Variants in DPP6 observed in about 807,000 individuals in gnomAD.
The protein encoded by DPP6 is A-type potassium channel modulatory protein DPP6.
DPP6 carries 69 observed loss-of-function variants against 122.6 expected under a neutral mutation model. That is an observed-to-expected ratio of 0.56 (90% CI 0.46 to 0.69). The LOEUF (loss-of-function observed/expected upper bound fraction) is 0.69, where lower values mean the gene tolerates loss of function less well. Ranked by LOEUF, DPP6 falls within the 30% of genes least tolerant of loss-of-function variation. DPP6 has a pLI of 0.00. For synonymous variants in DPP6, 418 were observed against 433.1 expected, an observed-to-expected ratio of 0.97 and a Z score of 0.43; for missense variants, 928 against 1,116.9, an observed-to-expected ratio of 0.83 and a Z score of 2.41.
chr7:153,938,749 G>A (rs1010725942), intron 1 of DPP6, among the ~76,000 whole-genome samples: 1 of 152,136 alleles, frequency 6.6e-6, no homozygotes, highest in Admixed American at 6.5e-5. Context: ...CTTAAAGAAG[G>A]AAAGCAAAGA....
At chr7:154,796,875 G>A (rs1020993363) in intron 12 of DPP6, among the ~76,000 whole-genome samples, 3 of 152,162 alleles carry the variant, frequency 2.0e-5, no homozygotes, top group African/African-American at 7.2e-5. Flanking sequence ...AATGTATCCT[G>A]TTTCTGCTCT....
Position 154,016,743 on chromosome 7 carries a change from C to G in DPP6, c.51+129009C>G, listed in dbSNP as rs377075102. On this transcript the variant is annotated intron_variant, in intron 1 of 25. Coordinates refer to the DPP6 transcript ENST00000404039. ...GGGAACTTTCATACTGTTTTCCACACTGGCTGTACTAATTTAATTCCCACC... is the reference window on the plus strand; with the variant it reads ...GGGAACTTTCATACTGTTTTCCACAGTGGCTGTACTAATTTAATTCCCACC... 3.9e-5 allele frequency among the ~76,000 whole-genome samples: 6 copies of G among 152,322 alleles called. No individual in the cohort carries two copies. The East Asian group carries it at 9.7e-4, about 25-fold the overall frequency.
At chr7:154,641,913 G>C (rs1836124039) in intron 6 of DPP6, among the ~76,000 whole-genome samples, 1 of 152,136 alleles carries the variant, frequency 6.6e-6, no homozygotes, top group South Asian at 2.1e-4. Context: ...CTCTAACTTT[G>C]CTTACCTACT....
chr7:153,879,920 C>T, the DPP6 span, among the ~76,000 whole-genome samples: 568 of 152,204 alleles, frequency 3.7e-3, 6 homozygotes, highest in African/African-American at 0.013. Flanking sequence ...CAAAAGTCCC[C>T]GCTATGTTGG....
At chr7:153,988,034 A>G (rs1321543798) in intron 1 of DPP6, among the ~76,000 whole-genome samples, 1 of 152,146 alleles carries the variant, frequency 6.6e-6, no homozygotes, top group East Asian at 1.9e-4. Flanking sequence ...GCCAGTCCCT[A>G]AACAACCAGA....
intron 3 of DPP6, among the ~76,000 whole-genome samples, chr7:154,520,257 T>C (rs1179588323): frequency 2.6e-5 from 4 of 152,280 alleles, no homozygotes; most frequent in Non-Finnish European, 5.9e-5. Flanking sequence ...GAATCTACAC[T>C]GTATTTTGCT....
At chr7:154,160,232 GTTCT>G (rs1288994850) in intron 1 of DPP6, among the ~76,000 whole-genome samples, 3 of 152,054 alleles carry the variant, frequency 2.0e-5, no homozygotes, top group African/African-American at 7.3e-5. Flanking sequence ...GTTTCTGGGT[GTTCT>G]TTGAGTTCCT....
At chr7:153,833,920 A>G in the DPP6 span, among the ~76,000 whole-genome samples, 5 of 152,190 alleles carry the variant, frequency 3.3e-5, no homozygotes, top group African/African-American at 1.2e-4. Context: ...AAGGATTTCC[A>G]TGCCTCACAT....
the DPP6 span, among the ~76,000 whole-genome samples, chr7:153,819,319 A>G: frequency 0.51 from 71,673 of 139,216 alleles, 18,583 homozygotes; most frequent in Admixed American, 0.58. Flanking sequence ...GCTCCCACTT[A>G]TAAGTGAGGA....
At chr7:154,172,094 C>A (rs901196279) in intron 1 of DPP6, among the ~76,000 whole-genome samples, 3 of 152,008 alleles carry the variant, frequency 2.0e-5, no homozygotes, top group Admixed American at 2.0e-4. Flanking sequence ...TTCACTGAGC[C>A]TCATTGCAAT....
At chr7:154,063,675 C>CGG (rs1802445618) in intron 1 of DPP6, among the ~76,000 whole-genome samples, 1 of 112,088 alleles carries the variant, frequency 8.9e-6, no homozygotes, top group African/African-American at 3.9e-5. Flanking sequence ...GGACCCCCAT[C>CGG]CCAGCGGGGG....
intron 1 of DPP6, among the ~76,000 whole-genome samples, chr7:154,127,735 G>A (rs142572473): frequency 2.2e-4 from 33 of 152,240 alleles, no homozygotes; most frequent in Non-Finnish European, 4.0e-4. Context: ...TCGTTGCCCA[G>A]CGTTGGCCAG....
chr7:154,282,870 G>A lies in DPP6; in HGVS notation c.244-163344G>A, dbSNP rs1804615173. Among the ~76,000 whole-genome samples, 1 of 152,172 alleles carries A rather than the reference G, an allele frequency of 6.6e-6. No individual in the cohort carries two copies. The highest frequency in any genetic ancestry group is 2.4e-5 in the African/African-American group (1 of 41,446). On this transcript the variant is annotated intron_variant, in intron 1 of 25. Coordinates refer to ENST00000377770, the MANE Select transcript of DPP6 (RefSeq NM_130797.4). The surrounding 1 kb of genome is among the most constrained non-coding windows in gnomAD (Gnocchi z 4.8). ...GAAGGAGAGATTGCCACTCTTTGGA[G>A]CCACATCTGAATGCCAGAAGTTCCC...
At chr7:153,831,093 C>A in the DPP6 span, among the ~76,000 whole-genome samples, 1 of 152,094 alleles carries the variant, frequency 6.6e-6, no homozygotes, top group Admixed American at 6.5e-5. Context: ...TATGAATTTG[C>A]AATTAATTTT....
the DPP6 span, among the ~76,000 whole-genome samples, chr7:153,864,293 C>A: frequency 1.3e-5 from 2 of 152,140 alleles, no homozygotes; most frequent in African/African-American, 4.8e-5. Context: ...TGTGAAATGG[C>A]AACTCATTGT....
intron 1 of DPP6, among the ~76,000 whole-genome samples, chr7:154,122,771 G>C (rs2150609887): frequency 6.6e-6 from 1 of 152,122 alleles, no homozygotes; most frequent in East Asian, 1.9e-4. Flanking sequence ...ACTTCACATG[G>C]AGCCTCGAGA....
chr7:154,110,030 GC>G (rs1281979500), intron 1 of DPP6, among the ~76,000 whole-genome samples: 2 of 144,122 alleles, frequency 1.4e-5, no homozygotes, highest in African/African-American at 2.6e-5. Flanking sequence ...TTGACTGGAA[GC>G]TTTCATTTGG....
chr7:154,646,821 G>GCTCTTTCCAGGTGCAGGT (rs1836515234), intron 6 of DPP6, among the ~76,000 whole-genome samples: 2 of 152,138 alleles, frequency 1.3e-5, no homozygotes, highest in Non-Finnish European at 2.9e-5. Context: ...CAGGTCTTAT[G>GCTCTTTCCAGGTGCAGGT]CTCTTTCCAG....
upstream of DPP6, among the ~76,000 whole-genome samples, chr7:153,884,770 AG>A (rs1396467474): frequency 1.3e-5 from 2 of 152,008 alleles, no homozygotes; most frequent in African/African-American, 4.8e-5. Flanking sequence ...CTCTGAGGTC[AG>A]GAGTTTGGGA....
Sources: allele counts gnomAD v4.1 joint callset (sites outside exome capture counted in the v4.1 genomes callset), GRCh38; gene constraint gnomAD v4.1.1; non-coding constraint Gnocchi (gnomAD v3.1); transcripts MANE v1.5; gene names NCBI Gene and HGNC (gene_info 2026-07-23, HGNC 2026-07-21).